The following IQCM variants were observed in gnomAD, a reference collection of about 807,000 sequenced individuals.
IQCM encodes IQ motif containing M.
In IQCM, 45 loss-of-function variants were observed where a neutral mutation model predicts 57.6. The ratio of observed to expected loss-of-function variants is 0.78; its 90% confidence interval spans 0.62 to 1.00. The LOEUF is 1.00. IQCM is among the 50% of genes least tolerant of loss of function. The probability of loss-of-function intolerance (pLI) is 0.00; values close to 1 mark genes in which losing one functional copy is unlikely to be tolerated. For missense variants in IQCM, 468 were observed against 511.6 expected (o/e 0.91, Z 0.82); for synonymous variants, 148 against 158.9 (o/e 0.93, Z 0.51).
At chr4:149,612,495 A>T (rs1755387676) in intron 8 of IQCM, among the ~76,000 whole-genome samples, 1 of 152,182 alleles carries the variant, frequency 6.6e-6, no homozygotes, top group African/African-American at 2.4e-5. Context: ...ATATATAAAT[A>T]CATATGTATG....
intron 7 of IQCM, among the ~76,000 whole-genome samples, chr4:149,624,711 C>A (rs1756648740): frequency 6.6e-6 from 1 of 152,084 alleles, no homozygotes; most frequent in Non-Finnish European, 1.5e-5. Flanking sequence ...TTCAATTCAC[C>A]TGGATATCAG....
intron 13 of IQCM, among the ~76,000 whole-genome samples, chr4:149,380,824 G>A (rs1578861584): frequency 6.6e-6 from 1 of 152,092 alleles, no homozygotes; most frequent in African/African-American, 2.4e-5. Flanking sequence ...AGTTTTATTA[G>A]GTATCACATG....
intron 2 of IQCM, among the ~76,000 whole-genome samples, chr4:149,778,325 G>C (rs1487659466): frequency 6.6e-6 from 1 of 152,030 alleles, no homozygotes; most frequent in South Asian, 2.1e-4. Flanking sequence ...GCAGTGAGCG[G>C]AGATGGCGCC....
intron 13 of IQCM, among the ~76,000 whole-genome samples, chr4:149,417,446 T>G (rs1733824440): frequency 6.6e-6 from 1 of 152,144 alleles, no homozygotes; most frequent in African/African-American, 2.4e-5. Context: ...GCTTGGTTGT[T>G]CTGGCATACT....
At chr4:149,753,255 T>TA (rs1265904987) in intron 2 of IQCM, among the ~76,000 whole-genome samples, 1 of 148,952 alleles carries the variant, frequency 6.7e-6, no homozygotes, top group African/African-American at 2.5e-5. Flanking sequence ...ACGAAAACAA[T>TA]AAAAAAAATG....
chr4:149,659,678 A>T (rs929004474), intron 7 of IQCM, among the ~76,000 whole-genome samples: 12 of 152,174 alleles, frequency 7.9e-5, no homozygotes, highest in African/African-American at 2.4e-4. Flanking sequence ...ATAACACCGC[A>T]TATCTACAAC....
At chr4:149,530,268 T>A (rs777439287) in intron 12 of IQCM, among the ~76,000 whole-genome samples, 1 of 152,106 alleles carries the variant, frequency 6.6e-6, no homozygotes, top group Non-Finnish European at 1.5e-5. Context: ...ATATAAAATT[T>A]ATATGTATAC....
intron 12 of IQCM, among the ~76,000 whole-genome samples, chr4:149,508,310 A>G (rs1198165941): frequency 6.6e-6 from 1 of 152,006 alleles, no homozygotes; most frequent in East Asian, 1.9e-4. Flanking sequence ...ATCAACTGAT[A>G]GCTTGCACCA....
At chr4:149,535,647 A>G (rs1308670414) in intron 12 of IQCM, among the ~76,000 whole-genome samples, 2 of 152,086 alleles carry the variant, frequency 1.3e-5, no homozygotes, top group African/African-American at 4.8e-5. Flanking sequence ...GACACACTTT[A>G]GAAGAATAAC....
At chr4:149,597,905 T>G (rs1561040775) in intron 8 of IQCM, among the ~76,000 whole-genome samples, 1 of 151,932 alleles carries the variant, frequency 6.6e-6, no homozygotes, top group Non-Finnish European at 1.5e-5. Flanking sequence ...TAAACTACAC[T>G]TACACACCTC....
At chr4:149,709,253 C>T (rs1209801366) in intron 5 of IQCM, among the ~76,000 whole-genome samples, 1 of 152,084 alleles carries the variant, frequency 6.6e-6, no homozygotes, top group Non-Finnish European at 1.5e-5. Context: ...ATGTATCATA[C>T]TAAGCGTTAG....
chr4:149,635,727 C>T (rs1272035041), intron 7 of IQCM, among the ~76,000 whole-genome samples: 1 of 152,048 alleles, frequency 6.6e-6, no homozygotes, highest in Non-Finnish European at 1.5e-5. Flanking sequence ...CCTCTCCAGT[C>T]CCAGAAAAGC....
intron 12 of IQCM, 97 bp downstream of exon 12, chr4:149,548,358 G>A: frequency 2.0e-6 from 2 of 1,011,818 alleles, no homozygotes; most frequent in Non-Finnish European, 2.5e-6. Context: ...GGGAAGGAAT[G>A]AAGAAAGGAA....
intron 2 of IQCM, among the ~76,000 whole-genome samples, chr4:149,801,157 C>T: frequency 6.6e-6 from 1 of 151,776 alleles, no homozygotes; most frequent in Non-Finnish European, 1.5e-5. Flanking sequence ...CATGGATCAT[C>T]AGAGAAATGC....
chr4:149,667,373 G>C (rs1760827740), intron 7 of IQCM, among the ~76,000 whole-genome samples: 1 of 152,096 alleles, frequency 6.6e-6, no homozygotes, highest in South Asian at 2.1e-4. Flanking sequence ...AAACAGAAAG[G>C]AAGAGCATCA....
intron 12 of IQCM, among the ~76,000 whole-genome samples, chr4:149,524,164 G>A (rs1745933184): frequency 6.6e-6 from 1 of 152,126 alleles, no homozygotes; most frequent in Admixed American, 6.5e-5. Context: ...ACAGAAAAGA[G>A]CAGATGCTGT....
intron 13 of IQCM, among the ~76,000 whole-genome samples, chr4:149,424,801 C>T (rs1316591478): frequency 6.6e-6 from 1 of 151,924 alleles, no homozygotes; most frequent in Non-Finnish European, 1.5e-5. Flanking sequence ...TTTCTTTTCA[C>T]TACAATGCTG....
At chr4:149,509,163 C>A (rs1175281787) in intron 12 of IQCM, among the ~76,000 whole-genome samples, 1 of 152,156 alleles carries the variant, frequency 6.6e-6, no homozygotes, top group Non-Finnish European at 1.5e-5. Flanking sequence ...CTTCATCATC[C>A]TCAATATGTT....
rs148978366 is a variant in IQCM, at chr4:149,441,452, G to A, written c.1229-7895C>T. Among the ~76,000 whole-genome samples, 5 of 152,216 alleles carry A rather than the reference G, an allele frequency of 3.3e-5. 1 individual carries two copies. The East Asian group carries it at 9.7e-4, about 29-fold the overall frequency. On this transcript the variant is annotated intron_variant, in intron 12 of 13. Coordinates refer to ENST00000636793, the MANE Select transcript of IQCM (RefSeq NM_001363507.2). ...TCCCAAGCCATTTTAAAACCCAGCT[G>A]GGCAAACTTGAGAACAGTTCTAAGT...
Sources: allele counts gnomAD v4.1 joint callset (sites outside exome capture counted in the v4.1 genomes callset), GRCh38; gene constraint gnomAD v4.1.1; transcripts MANE v1.5; gene names NCBI Gene and HGNC (gene_info 2026-07-23, HGNC 2026-07-21).